The following ADGRB3 variants were observed in gnomAD, a reference collection of about 807,000 sequenced individuals.
ADGRB3 encodes the protein brain-specific angiogenesis inhibitor 3.
A neutral mutation model predicts 193.4 loss-of-function variants in ADGRB3; 37 were observed. That is an observed-to-expected ratio of 0.19 (90% CI 0.15 to 0.25). The LOEUF (loss-of-function observed/expected upper bound fraction) is 0.25, where lower values mean the gene tolerates loss of function less well. Ranked by LOEUF, ADGRB3 falls within the 10% of genes least tolerant of loss-of-function variation. The pLI, the probability that ADGRB3 is intolerant of heterozygous loss-of-function variation, is 1.00. For missense variants in ADGRB3, 1,637 were observed against 1,852.9 expected (o/e 0.88, Z 2.14); for synonymous variants, 690 against 644.2 (o/e 1.07, Z -1.08).
At chr6:68,784,334 G>A (rs929115050) in intron 3 of ADGRB3, among the ~76,000 whole-genome samples, 21 of 152,056 alleles carry the variant, frequency 1.4e-4, no homozygotes, top group Admixed American at 1.1e-3. Flanking sequence ...GCTGAGAAGC[G>A]ATACCAGTGT....
intron 3 of ADGRB3, among the ~76,000 whole-genome samples, chr6:68,840,192 TG>T (rs1768124333): frequency 6.6e-6 from 1 of 151,974 alleles, no homozygotes; most frequent in Admixed American, 6.6e-5. Flanking sequence ...CAAGTGTATT[TG>T]GGGGACACGT....
intron 31 of ADGRB3, 49 bp downstream of exon 31, chr6:69,382,984 A>C: frequency 7.7e-7 from 1 of 1,300,930 alleles, no homozygotes; most frequent in Non-Finnish European, 1.1e-6. Context: ...ATCATGTCAG[A>C]TATTATTCCT....
chr6:68,652,694 C>T (rs1240208288), intron 3 of ADGRB3, among the ~76,000 whole-genome samples: 1 of 151,996 alleles, frequency 6.6e-6, no homozygotes, highest in Non-Finnish European at 1.5e-5. Flanking sequence ...AAATGTAATA[C>T]ATTTGGGTGG....
intron 3 of ADGRB3, among the ~76,000 whole-genome samples, chr6:68,862,073 C>T (rs889148017): frequency 1.3e-5 from 2 of 151,940 alleles, no homozygotes; most frequent in African/African-American, 4.8e-5. Flanking sequence ...GCTCTTATTT[C>T]AAACTTTCCA....
intron 17 of ADGRB3, among the ~76,000 whole-genome samples, chr6:69,185,519 T>G (rs1765048445): frequency 6.6e-6 from 1 of 152,182 alleles, no homozygotes; most frequent in African/African-American, 2.4e-5. Context: ...GTACTCTTTC[T>G]TAGAATTTCT....
chr6:68,909,094 A>T (rs1237471992), intron 3 of ADGRB3, among the ~76,000 whole-genome samples: 1 of 152,138 alleles, frequency 6.6e-6, no homozygotes, highest in African/African-American at 2.4e-5. Context: ...TGAATGATGA[A>T]ATCTTTGCAC....
Position 69,382,911 on chromosome 6 carries a change from G to T in ADGRB3, c.4356G>T (p.Arg1452=). 1 of 1,606,674 alleles carries T rather than the reference G, an allele frequency of 6.2e-7. No individual in the cohort carries two copies. The highest frequency in any genetic ancestry group is 8.5e-7 in the Non-Finnish European group (1 of 1,175,374). ...AATTTCAAACTTTGGACAGATTTCG[G>T]GATATACCAAATACAAGCAGTATGG... ...NQKFQTLDRF[R]DIPNTSSMEN... Residue 1452 remains arginine, a synonymous_variant, in exon 31 of 32, where the codon CGG becomes CGT. Transcript: ENST00000370598.
At chr6:69,232,593 G>A (rs560598690) in intron 17 of ADGRB3, 1 of 1,535,672 alleles carries the variant, frequency 6.5e-7, no homozygotes, top group Non-Finnish European at 8.7e-7. Context: ...CGTCAGAGGC[G>A]AGCTGGACTG....
intron 17 of ADGRB3, among the ~76,000 whole-genome samples, chr6:69,208,496 C>T (rs1052831783): frequency 7.2e-5 from 11 of 152,266 alleles, no homozygotes; most frequent in African/African-American, 2.6e-4. Context: ...GTGCACTGCT[C>T]GAAGTTCTGC....
At chr6:69,103,218 A>G (rs779469007) in intron 17 of ADGRB3, among the ~76,000 whole-genome samples, 3 of 152,152 alleles carry the variant, frequency 2.0e-5, no homozygotes, top group Non-Finnish European at 4.4e-5. Flanking sequence ...AGAGAGTCCA[A>G]ATGTTTCTGG....
chr6:69,040,307 C>CTTTCTTTCTTTCTT (rs1236133678), intron 13 of ADGRB3, among the ~76,000 whole-genome samples: 2 of 94,758 alleles, frequency 2.1e-5, no homozygotes, highest in African/African-American at 8.9e-5. Context: ...CTTTCTCTGT[C>CTTTCTTTCTTTCTT]TCTTTCTTTC....
At chr6:69,050,862 A>G (rs951109778) in intron 15 of ADGRB3, among the ~76,000 whole-genome samples, 1 of 152,244 alleles carries the variant, frequency 6.6e-6, no homozygotes, top group African/African-American at 2.4e-5. Context: ...CTCTTGAGAT[A>G]CATAGTGAAT....
intron 3 of ADGRB3, among the ~76,000 whole-genome samples, chr6:68,705,298 G>A (rs1765305947): frequency 6.6e-6 from 1 of 152,114 alleles, no homozygotes; most frequent in South Asian, 2.1e-4. Context: ...TTTCTCCAGT[G>A]CTTATCCATT....
At chr6:68,780,212 C>T (rs1003519678) in intron 3 of ADGRB3, among the ~76,000 whole-genome samples, 1 of 151,962 alleles carries the variant, frequency 6.6e-6, no homozygotes, top group African/African-American at 2.4e-5. Flanking sequence ...TGCTATTTGT[C>T]CCACTATTTT....
chr6:68,665,228 C>A (rs987463838), intron 3 of ADGRB3, among the ~76,000 whole-genome samples: 2 of 151,560 alleles, frequency 1.3e-5, no homozygotes, highest in Non-Finnish European at 2.9e-5. Flanking sequence ...TAGAAATGAT[C>A]CCTGAAAGTA....
At chr6:68,786,111 C>T (rs1766963457) in intron 3 of ADGRB3, among the ~76,000 whole-genome samples, 1 of 151,972 alleles carries the variant, frequency 6.6e-6, no homozygotes. Flanking sequence ...GTTGCCTGTT[C>T]ACTCTAATGG....
intron 20 of ADGRB3, among the ~76,000 whole-genome samples, chr6:69,276,832 T>C (rs1767312888): frequency 6.6e-6 from 1 of 152,128 alleles, no homozygotes; most frequent in Admixed American, 6.6e-5. Flanking sequence ...GATATGGATA[T>C]GTTTATGGTG....
chr6:69,088,652 G>A (rs566058728), intron 17 of ADGRB3, among the ~76,000 whole-genome samples: 65 of 152,326 alleles, frequency 4.3e-4, no homozygotes, highest in African/African-American at 1.5e-3. Context: ...GGGATGACAG[G>A]CATGAGCCAC....
intron 17 of ADGRB3, among the ~76,000 whole-genome samples, chr6:69,200,077 G>A (rs992636413): frequency 6.6e-6 from 1 of 151,706 alleles, no homozygotes; most frequent in African/African-American, 2.4e-5. Flanking sequence ...GATGTCATTG[G>A]TTTTCTGGTT....
Sources: gnomAD v4.1 joint callset for allele counts (sites outside exome capture counted in the v4.1 genomes callset) on GRCh38, gnomAD v4.1.1 for gene constraint, MANE v1.5 for transcripts, NCBI Gene and HGNC (gene_info 2026-07-23, HGNC 2026-07-21) for gene names.